The following MGAT5B variants were observed in gnomAD, a reference collection of about 807,000 sequenced individuals.
MGAT5B encodes alpha-1,6-mannosylglycoprotein 6-beta-N-acetylglucosaminyltransferase B.
MGAT5B carries 54 observed loss-of-function variants against 95.1 expected under a neutral mutation model. That is an observed-to-expected ratio of 0.57 (90% CI 0.46 to 0.71). The LOEUF (loss-of-function observed/expected upper bound fraction) is 0.71, where lower values mean the gene tolerates loss of function less well. MGAT5B is among the 30% of genes least tolerant of loss of function. The pLI, the probability that MGAT5B is intolerant of heterozygous loss-of-function variation, is 0.00. For missense variants in MGAT5B, 935 were observed against 1,088.6 expected (o/e 0.86, Z 1.99); for synonymous variants, 464 against 451.0 (o/e 1.03, Z -0.36).
chr17:76,948,493 C>T (rs919404754), intron 17 of MGAT5B, 147 bp from the exon 18 acceptor site: 35 of 888,122 alleles, frequency 3.9e-5, no homozygotes, highest in Middle Eastern at 2.9e-4. Flanking sequence ...ATAAAGGAGC[C>T]GTAACACATT....
chr17:76,902,704 C>A (rs1166736785), intron 4 of MGAT5B, 34 bp downstream of exon 4: 7 of 1,333,592 alleles, frequency 5.2e-6, no homozygotes, highest in Middle Eastern at 1.9e-4. Flanking sequence ...CCCTCTACCC[C>A]TAGGGGGCCA....
rs539347993 is a variant in MGAT5B, at chr17:76,914,024, C to G, written c.1025+7837C>G. The G allele has an allele frequency of 2.6e-4, 84 of 324,130 alleles. 1 individual carries two copies. The highest frequency in any genetic ancestry group is 2.2e-3 in the South Asian group (83 of 38,302). The allele number at this position is 324,130 out of a possible 1,614,324, so 20.1% of individuals were successfully genotyped here. ...ACTGAGGAAGGAGGATCACTTGAGC[C>G]TGGGAAGTCGAGGCTACAGTCAGCC... is the stretch of plus-strand genomic sequence containing the variant. On this transcript the variant is annotated intron_variant, in intron 8 of 17. Transcript: ENST00000569840. This position sits in a 1 kb window ranked among gnomAD's most constrained non-coding sequence, Gnocchi z 5.1.
Position 76,906,143 on chromosome 17 carries a change from G to A in MGAT5B, c.981G>A (p.Leu327=). 1 of 1,607,484 alleles carries A rather than the reference G, an allele frequency of 6.2e-7. No homozygotes were observed. The highest frequency in any genetic ancestry group is 2.3e-5 in the East Asian group (1 of 43,914). ...ACATTCTGACTGCACTCTATGTCCT[G>A]GGCCATGGCCTGCGGGTCACAGTCT... ...WADILTALYV[L]GHGLRVTVSL... is the part of the protein sequence containing the mutation. The change falls in exon 8 of 18, where the codon CTG becomes CTA. Residue 327 remains leucine, a synonymous_variant. Transcript: ENST00000569840. This position sits in a 1 kb window ranked among gnomAD's most constrained non-coding sequence, Gnocchi z 4.6.
At chr17:76,878,243 C>G (rs1252871352) in intron 2 of MGAT5B, among the ~76,000 whole-genome samples, 1 of 152,078 alleles carries the variant, frequency 6.6e-6, no homozygotes, top group East Asian at 1.9e-4. Context: ...TGCCTGGTAC[C>G]CCGAGGGCTC....
At chr17:76,944,702 A>G (rs72887792) in intron 15 of MGAT5B, among the ~76,000 whole-genome samples, 56,667 of 152,034 alleles carry the variant, frequency 0.37, 10,890 homozygotes, top group East Asian at 0.56. Context: ...TGCTGGGGCA[A>G]TGTCCGGCTT....
intron 2 of MGAT5B, among the ~76,000 whole-genome samples, chr17:76,877,705 G>A (rs1009325878): frequency 6.6e-6 from 1 of 152,296 alleles, no homozygotes; most frequent in Non-Finnish European, 1.5e-5. Flanking sequence ...ATAAATGTGC[G>A]CATTTCTCCA....
chr17:76,935,800 ATT>A (rs1402171682), intron 12 of MGAT5B, among the ~76,000 whole-genome samples: 2 of 142,486 alleles, frequency 1.4e-5, no homozygotes, highest in East Asian at 3.9e-4. Flanking sequence ...ACATATATAT[ATT>A]ATATATATTA....
intron 2 of MGAT5B, among the ~76,000 whole-genome samples, chr17:76,875,266 G>T (rs1005280126): frequency 6.6e-6 from 1 of 152,168 alleles, no homozygotes; most frequent in Admixed American, 6.5e-5. Flanking sequence ...CCTCTTGTGG[G>T]ATAGACCCTG....
intron 12 of MGAT5B, among the ~76,000 whole-genome samples, chr17:76,936,089 T>C (rs912898040): frequency 6.6e-6 from 1 of 151,350 alleles, no homozygotes; most frequent in Non-Finnish European, 1.5e-5. Context: ...CATGAGCCAC[T>C]GCGCCTGGCC....
intron 11 of MGAT5B, 70 bp from the exon 12 acceptor site, chr17:76,933,222 T>C (rs1190326661): frequency 1.9e-5 from 30 of 1,593,088 alleles, no homozygotes; most frequent in Non-Finnish European, 2.5e-5. Context: ...GCATGGGGTG[T>C]TGTCTGCGAA....
In MGAT5B at chr17:76,912,864, C is replaced by G. The variant is rs558652570; in HGVS notation, c.1025+6677C>G. Among the ~76,000 whole-genome samples the G allele has an allele frequency of 6.6e-6, 1 of 152,210 alleles. No homozygotes were observed. The highest frequency in any genetic ancestry group is 2.4e-5 in the African/African-American group (1 of 41,454). On this transcript the variant is annotated intron_variant, in intron 8 of 17. Transcript: ENST00000569840. The surrounding 1 kb of genome is among the most constrained non-coding windows in gnomAD (Gnocchi z 5.0). ...CCTGCCCAGCCGCTGCATCCTGAGA[C>G]GGCCTCGTGCATGTGCAGGTCCAGG...
chr17:76,898,201 A>G (rs1968170011), intron 3 of MGAT5B, among the ~76,000 whole-genome samples: 2 of 152,146 alleles, frequency 1.3e-5, no homozygotes, highest in African/African-American at 4.8e-5. Context: ...AGCACACAAG[A>G]TTTCCTGTGT....
rs927368828 is a variant in MGAT5B, at chr17:76,869,978, G to A, written c.68+881G>A. On this transcript the variant is annotated intron_variant, in intron 1 of 17. Coordinates refer to ENST00000569840, the MANE Select transcript of MGAT5B (RefSeq NM_001199172.2). This position sits in a 1 kb window ranked among gnomAD's most constrained non-coding sequence, Gnocchi z 7.0. Reference sequence around the variant, plus strand: ...GGGCGCTGCCCAGTGGACGCCCGGCGGGGCCCGAGTGTCACCCCGTGGGTA... The same window carrying A: ...GGGCGCTGCCCAGTGGACGCCCGGCAGGGCCCGAGTGTCACCCCGTGGGTA... Among the ~76,000 whole-genome samples, 2 of 152,192 alleles carry A rather than the reference G, an allele frequency of 1.3e-5. No homozygotes were observed. The highest frequency in any genetic ancestry group is 4.8e-5 in the African/African-American group (2 of 41,448).
chr17:76,900,869 G>T (rs567411287), intron 3 of MGAT5B, among the ~76,000 whole-genome samples: 2 of 145,648 alleles, frequency 1.4e-5, no homozygotes, highest in East Asian at 4.0e-4. Flanking sequence ...GATTGTGTGT[G>T]CATGTGTGCG....
chr17:76,879,900 G>T (rs981034270), intron 2 of MGAT5B, among the ~76,000 whole-genome samples: 1 of 152,208 alleles, frequency 6.6e-6, no homozygotes, highest in African/African-American at 2.4e-5. Context: ...ATGAGCGATG[G>T]CTCACCAGGG....
rs190647749 is a variant in MGAT5B at position 76,943,670 on chromosome 17, G to T, written c.1849-2706G>T. Among the ~76,000 whole-genome samples, 14 of 152,050 alleles carry T rather than the reference G, an allele frequency of 9.2e-5. 1 individual carries two copies. Among genetic ancestry groups the T allele is most frequent in the African/African-American group, 3.4e-4 (14 of 41,424 alleles). ...TGCCCAGGCCAGTCTCGAACTCCTG[G>T]GCACAAGCAATCCTCCCGCCTCGGC... On this transcript the variant is annotated intron_variant, in intron 15 of 17. Transcript: ENST00000569840.
chr17:76,913,326 C>A (rs548450612), intron 8 of MGAT5B, among the ~76,000 whole-genome samples: 1 of 152,364 alleles, frequency 6.6e-6, no homozygotes, highest in South Asian at 2.1e-4. Context: ...ATGACTGGCA[C>A]AGACTGATCT....
At chr17:76,944,020 CAT>C (rs1255267219) in intron 15 of MGAT5B, 1 of 152,250 alleles carries the variant, frequency 6.6e-6, no homozygotes, top group African/African-American at 2.4e-5. Context: ...TGCCTGTGGA[CAT>C]CTCTGTGTCC....
chr17:76,946,304 A>G (rs1289806155), intron 15 of MGAT5B, 72 bp from the exon 16 acceptor site: 22 of 1,349,608 alleles, frequency 1.6e-5, no homozygotes, highest in Non-Finnish European at 2.3e-5. Context: ...TCCACCCCCA[A>G]TGCCGAGCAT....
Sources: allele counts gnomAD v4.1 joint callset (sites outside exome capture counted in the v4.1 genomes callset), GRCh38; gene constraint gnomAD v4.1.1; non-coding constraint Gnocchi (gnomAD v3.1); transcripts MANE v1.5; gene names NCBI Gene and HGNC (gene_info 2026-07-23, HGNC 2026-07-21).